Variants in ZNF385D observed in about 807,000 individuals in gnomAD.
ZNF385D encodes the protein zinc finger protein 385D.
A neutral mutation model predicts 35.8 loss-of-function variants in ZNF385D; 15 were observed. The ratio of observed to expected loss-of-function variants is 0.42; its 90% confidence interval spans 0.28 to 0.64. The LOEUF (loss-of-function observed/expected upper bound fraction) is 0.64. Among genes scored for constraint, ZNF385D ranks in the 30% least tolerant of loss-of-function variants. ZNF385D has a pLI of 0.23. For missense variants in ZNF385D, 474 were observed against 494.6 expected (o/e 0.96, Z 0.39); for synonymous variants, 212 against 186.8 (o/e 1.13, Z -1.10).
chr3:22,176,144 T>C (rs1694818124), intron 2 of ZNF385D, among the ~76,000 whole-genome samples: 1 of 151,932 alleles, frequency 6.6e-6, no homozygotes, highest in African/African-American at 2.4e-5. Context: ...GGCATTACTA[T>C]AATTCTGTAA....
chr3:21,915,995 G>A (rs1256664790), intron 3 of ZNF385D, among the ~76,000 whole-genome samples: 2 of 152,074 alleles, frequency 1.3e-5, no homozygotes, highest in Non-Finnish European at 2.9e-5. Flanking sequence ...AAGCAGAAAA[G>A]GTGACTAATA....
chr3:21,568,678 T>C (rs1454583256), intron 2 of ZNF385D, among the ~76,000 whole-genome samples: 1 of 151,732 alleles, frequency 6.6e-6, no homozygotes, highest in African/African-American at 2.4e-5. Flanking sequence ...ACAAGAAAAA[T>C]ATGTTTTAAA....
intron 2 of ZNF385D, among the ~76,000 whole-genome samples, chr3:22,184,905 A>G (rs1046223839): frequency 6.6e-6 from 1 of 152,156 alleles, no homozygotes; most frequent in African/African-American, 2.4e-5. Flanking sequence ...CTGTTTTTAA[A>G]ATTTGTAGTG....
intron 3 of ZNF385D, among the ~76,000 whole-genome samples, chr3:21,515,012 A>T (rs1480437554): frequency 6.6e-6 from 1 of 152,120 alleles, no homozygotes; most frequent in African/African-American, 2.4e-5. Flanking sequence ...GCCATTTTAG[A>T]TGTAATAATG....
rs9880838 is a variant in ZNF385D at position 21,528,964 on chromosome 3, G to C, written c.277-17941C>G. The stretch of plus-strand genomic sequence containing the variant: ...GAAGAATATAACATATATTTTTGGA[G>C]GCCTCTTTTGAGTATTTCTTTAGAA... On this transcript the variant is annotated intron_variant, in intron 3 of 7. Coordinates refer to ENST00000281523, the MANE Select transcript of ZNF385D (RefSeq NM_024697.3). Among the ~76,000 whole-genome samples, 726 of 152,194 alleles carry C rather than the reference G, an allele frequency of 4.8e-3. 9 individuals are homozygous for C. The highest frequency in any genetic ancestry group is 0.016 in the African/African-American group (678 of 41,528).
intron 2 of ZNF385D, among the ~76,000 whole-genome samples, chr3:22,354,770 CATG>C (rs1329427485): frequency 1.3e-5 from 2 of 152,136 alleles, no homozygotes; most frequent in African/African-American, 2.4e-5. Context: ...CAGAAACAAT[CATG>C]ATGAGGTCCT....
At chr3:21,834,931 T>C (rs914872889) in intron 3 of ZNF385D, among the ~76,000 whole-genome samples, 2 of 152,148 alleles carry the variant, frequency 1.3e-5, no homozygotes, top group African/African-American at 4.8e-5. Context: ...TTCCCAGTCA[T>C]GTAGAATGGT....
intron 3 of ZNF385D, among the ~76,000 whole-genome samples, chr3:21,869,155 G>A (rs910793631): frequency 3.9e-5 from 6 of 152,040 alleles, no homozygotes; most frequent in African/African-American, 1.4e-4. Flanking sequence ...TCATTAGCAC[G>A]TAGATTAAGC....
chr3:22,061,253 T>G (rs1699671775), intron 3 of ZNF385D, among the ~76,000 whole-genome samples: 1 of 152,214 alleles, frequency 6.6e-6, no homozygotes, highest in Non-Finnish European at 1.5e-5. Context: ...AAGTAGTCAT[T>G]TAAATATTAA....
chr3:21,770,513 T>G (rs148432251), intron 3 of ZNF385D, among the ~76,000 whole-genome samples: 27,917 of 152,048 alleles, frequency 0.18, 3,147 homozygotes, highest in Non-Finnish European at 0.24. Context: ...GGCCATCAGA[T>G]AAATGCAAAT....
intron 1 of ZNF385D, among the ~76,000 whole-genome samples, chr3:21,668,012 A>G (rs2066457921): frequency 6.6e-6 from 1 of 152,306 alleles, no homozygotes; most frequent in African/African-American, 2.4e-5. Context: ...GGAAGAGAGC[A>G]ATGTATAAGA....
chr3:22,008,453 A>G (rs542249302), intron 3 of ZNF385D, among the ~76,000 whole-genome samples: 1 of 146,754 alleles, frequency 6.8e-6, no homozygotes, highest in East Asian at 2.0e-4. Context: ...CCCGGAGTTC[A>G]CAACATTCTC....
intron 3 of ZNF385D, among the ~76,000 whole-genome samples, chr3:21,872,270 G>C (rs1207195322): frequency 6.6e-6 from 1 of 152,108 alleles, no homozygotes; most frequent in Non-Finnish European, 1.5e-5. Flanking sequence ...AGTAAGGTTT[G>C]TTTCCATTTG....
At chr3:21,712,772 C>T (rs955772708) in intron 1 of ZNF385D, among the ~76,000 whole-genome samples, 45 of 152,144 alleles carry the variant, frequency 3.0e-4, no homozygotes, top group African/African-American at 1.0e-3. Flanking sequence ...CTACTCTGAG[C>T]AAATACAGTT....
At chr3:21,596,070 T>C (rs562751294) in intron 2 of ZNF385D, among the ~76,000 whole-genome samples, 23 of 152,340 alleles carry the variant, frequency 1.5e-4, no homozygotes, top group Non-Finnish European at 2.9e-4. Flanking sequence ...AACAGCTTTG[T>C]CTGAAGCATA....
intron 2 of ZNF385D, among the ~76,000 whole-genome samples, chr3:21,660,267 A>G (rs1007470081): frequency 6.6e-6 from 1 of 151,544 alleles, no homozygotes; most frequent in African/African-American, 2.4e-5. Context: ...AGCCAAAGCT[A>G]GCTAAAGCAA....
At chr3:22,071,553 A>G (rs1298973998) in intron 3 of ZNF385D, among the ~76,000 whole-genome samples, 6 of 152,180 alleles carry the variant, frequency 3.9e-5, no homozygotes, top group African/African-American at 1.4e-4. Context: ...AGTTAATTTT[A>G]TGCATTCCTC....
At chr3:21,729,364 A>G (rs533064351) in intron 1 of ZNF385D, among the ~76,000 whole-genome samples, 2 of 152,270 alleles carry the variant, frequency 1.3e-5, no homozygotes, top group Admixed American at 1.3e-4. Flanking sequence ...AAGCTATTTT[A>G]AGATTAAGAA....
At chr3:21,867,535 G>A (rs1209362623) in intron 3 of ZNF385D, among the ~76,000 whole-genome samples, 5 of 152,068 alleles carry the variant, frequency 3.3e-5, no homozygotes, top group South Asian at 2.1e-4. Flanking sequence ...ATCTGTCTCT[G>A]TCAAGATTGC....
Sources: gnomAD v4.1 joint callset for allele counts (sites outside exome capture counted in the v4.1 genomes callset) on GRCh38, gnomAD v4.1.1 for gene constraint, MANE v1.5 for transcripts, NCBI Gene and HGNC (gene_info 2026-07-23, HGNC 2026-07-21) for gene names.